Variants in ZFAT observed in about 807,000 individuals in gnomAD.
ZFAT encodes zinc finger and AT-hook domain containing, also known as zinc finger protein ZFAT.
In ZFAT, 64 loss-of-function variants were observed where a neutral mutation model predicts 117.7. The ratio of observed to expected loss-of-function variants is 0.54; its 90% CI spans 0.44 to 0.67. The LOEUF is 0.67. Among genes scored for constraint, ZFAT ranks in the 30% least tolerant of loss-of-function variants. The pLI is 0.00. For missense variants in ZFAT, 1,433 were observed against 1,584.5 expected (o/e 0.90, Z 1.62); for synonymous variants, 679 against 615.0 (o/e 1.10, Z -1.54).
At chr8:134,565,556 G>T (rs200816227) in intron 10 of ZFAT, 135 bp from the exon 11 acceptor site, 7 of 836,146 alleles carry the variant, frequency 8.4e-6, no homozygotes, top group Non-Finnish European at 1.4e-5. Context: ...AGGGAACAGC[G>T]ACGAGGTGCA....
At chr8:134,499,193 G>C (rs573540475) in intron 15 of ZFAT, among the ~76,000 whole-genome samples, 1 of 137,530 alleles carries the variant, frequency 7.3e-6, no homozygotes, top group African/African-American at 2.6e-5. Context: ...CACAGAGCCT[G>C]ATTTGGGAGG....
rs201617045 is a variant in ZFAT at position 134,602,174 on chromosome 8, C to T, written c.1545G>A (p.Gln515=). Residue 515 remains glutamine, a synonymous_variant, in exon 6 of 16, where the codon CAG becomes CAA. Transcript: ENST00000377838. ...GDIQQEALGD[Q]LQLVEEEFAL... ...CAAACTCCTCTTCCACCAGCTGTAG[C>T]TGGTCCCCCAGAGCTTCTTGCTGGA... The T allele has an allele frequency of 1.2e-6, 2 of 1,613,482 alleles. No homozygotes were observed. Among genetic ancestry groups the T allele is most frequent in the Non-Finnish European group, 1.7e-6 (2 of 1,179,996 alleles).
the ZFAT span, chr8:134,784,624 T>C: frequency 6.6e-6 from 1 of 152,190 alleles, no homozygotes; most frequent in Non-Finnish European, 1.5e-5. Context: ...CTGCTGTTGC[T>C]TTTCTGCCAT....
the ZFAT span, among the ~76,000 whole-genome samples, chr8:134,720,384 T>C: frequency 1.3e-5 from 2 of 152,058 alleles, no homozygotes; most frequent in Non-Finnish European, 2.9e-5. Context: ...GTTTTGAGAG[T>C]TGATGAGTCC....
chr8:134,497,316 G>C (rs1818521000), intron 15 of ZFAT, among the ~76,000 whole-genome samples: 3 of 152,290 alleles, frequency 2.0e-5, no homozygotes, highest in Non-Finnish European at 4.4e-5. Flanking sequence ...AGGATGGAAA[G>C]AGAACAGCAT....
intron 4 of ZFAT, among the ~76,000 whole-genome samples, chr8:134,609,630 C>T (rs1828168390): frequency 6.6e-6 from 1 of 152,140 alleles, no homozygotes; most frequent in Non-Finnish European, 1.5e-5. Context: ...TGTAGCTGTC[C>T]TTAAAATCCT....
chr8:134,817,733 C>G, the ZFAT span, among the ~76,000 whole-genome samples: 1 of 152,014 alleles, frequency 6.6e-6, no homozygotes. Context: ...AATACCTAGA[C>G]TAGCAAAAAT....
At chr8:134,597,186 G>A (rs1827018326) in intron 7 of ZFAT, among the ~76,000 whole-genome samples, 2 of 151,772 alleles carry the variant, frequency 1.3e-5, no homozygotes, top group African/African-American at 4.8e-5. Context: ...AGGGAAAGCA[G>A]ATCTTTTTTT....
rs1047376706 is a variant in ZFAT at position 134,509,834 on chromosome 8, C to T, written c.3362-85G>A. 2.8e-5 allele frequency: 42 copies of T among 1,502,070 alleles called. No individual in the cohort carries two copies. In the South Asian group the frequency reaches 3.3e-4, roughly 12 times the overall value. The allele number at this position is 1,502,070 out of a possible 1,614,324, so 93.0% of individuals were successfully genotyped here. On this transcript the variant is annotated intron_variant, in intron 14 of 15. Transcript: ENST00000377838. ...TGCAAAACCAGCCTGTCTGTTCTCT[C>T]GGGTGACGCCTTCTCCAGAGGATGC...
the ZFAT span, among the ~76,000 whole-genome samples, chr8:134,770,711 T>C: frequency 6.6e-6 from 1 of 152,352 alleles, no homozygotes; most frequent in East Asian, 1.9e-4. Flanking sequence ...ATTTCTCTTC[T>C]TTCAAAAGCA....
intron 11 of ZFAT, among the ~76,000 whole-genome samples, chr8:134,563,240 C>T (rs1218719373): frequency 2.0e-5 from 3 of 152,186 alleles, no homozygotes; most frequent in Non-Finnish European, 1.5e-5. Flanking sequence ...ACAGTCAGTA[C>T]GGGTGGTTTT....
intron 1 of ZFAT, among the ~76,000 whole-genome samples, chr8:134,662,626 G>A (rs78682397): frequency 0.019 from 2,963 of 152,310 alleles, 114 homozygotes; most frequent in African/African-American, 0.068. Flanking sequence ...TGGCCGGCTG[G>A]GTGACAATGG....
chr8:134,706,629 T>C (rs1277103365), intron 1 of ZFAT, among the ~76,000 whole-genome samples: 1 of 151,600 alleles, frequency 6.6e-6, no homozygotes, highest in Non-Finnish European at 1.5e-5. Flanking sequence ...GAGGAGGAGG[T>C]TGCAGTGAGC....
intron 3 of ZFAT, among the ~76,000 whole-genome samples, chr8:134,616,426 C>G (rs1221907400): frequency 6.6e-6 from 1 of 152,192 alleles, no homozygotes; most frequent in Non-Finnish European, 1.5e-5. Context: ...TTGTACTTTT[C>G]AAAGTTGCGT....
chr8:134,664,946 G>A (rs558201430), intron 1 of ZFAT, among the ~76,000 whole-genome samples: 110 of 152,196 alleles, frequency 7.2e-4, no homozygotes, highest in Non-Finnish European at 1.4e-3. Context: ...CCTAGTAACT[G>A]TTTGCCAGGC....
the ZFAT span, chr8:134,804,802 T>C: frequency 2.0e-6 from 1 of 505,766 alleles, no homozygotes; most frequent in South Asian, 1.5e-5. Flanking sequence ...TCTGAGGTTT[T>C]CCCACACATT....
the ZFAT span, chr8:134,784,464 C>A: frequency 6.6e-6 from 1 of 151,994 alleles, no homozygotes; most frequent in Non-Finnish European, 1.5e-5. Context: ...ATCACTAGAA[C>A]CCCAAAATTA....
intron 3 of ZFAT, among the ~76,000 whole-genome samples, chr8:134,637,097 T>C (rs1586863418): frequency 6.6e-6 from 1 of 152,266 alleles, no homozygotes; most frequent in South Asian, 2.1e-4. Flanking sequence ...TCCATCAGAA[T>C]GCTTTCTCCT....
At chr8:134,528,902 A>G (rs1276569911) in intron 12 of ZFAT, among the ~76,000 whole-genome samples, 1 of 152,244 alleles carries the variant, frequency 6.6e-6, no homozygotes, top group Non-Finnish European at 1.5e-5. Context: ...TTCCAGGCAC[A>G]CTGTAGGCGC....
Sources: allele counts gnomAD v4.1 joint callset (sites outside exome capture counted in the v4.1 genomes callset), GRCh38; gene constraint gnomAD v4.1.1; transcripts MANE v1.5; gene names NCBI Gene and HGNC (gene_info 2026-07-23, HGNC 2026-07-21).